Variants in CEP70 observed in about 807,000 individuals in gnomAD.
CEP70 encodes the protein centrosomal protein 70.
In CEP70, 70 loss-of-function variants were observed where a neutral mutation model predicts 90.9. The ratio of observed to expected loss-of-function variants is 0.77; its 90% CI spans 0.64 to 0.94. CEP70 has a LOEUF of 0.94. Among genes scored for constraint, CEP70 ranks in the 40% least tolerant of loss-of-function variants. CEP70 has a pLI of 0.00. For missense variants in CEP70, 648 were observed against 669.0 expected, an observed-to-expected ratio of 0.97 and a Z score of 0.35; for synonymous variants, 220 against 228.3, an observed-to-expected ratio of 0.96 and a Z score of 0.33.
chr3:138,581,401 T>G (rs769533619), intron 2 of CEP70, among the ~76,000 whole-genome samples: 2 of 146,230 alleles, frequency 1.4e-5, no homozygotes, highest in East Asian at 2.1e-4. Context: ...TAGAAAGAGA[T>G]AGGGGTAGAA....
chr3:138,580,139 G>C (rs2041776403), intron 2 of CEP70, among the ~76,000 whole-genome samples: 1 of 151,994 alleles, frequency 6.6e-6, no homozygotes, highest in African/African-American at 2.4e-5. Context: ...AAAGGGGAGG[G>C]AAAAATGGGA....
chr3:138,557,768 C>A (rs2040123287), intron 6 of CEP70, among the ~76,000 whole-genome samples: 1 of 151,980 alleles, frequency 6.6e-6, no homozygotes, highest in Non-Finnish European at 1.5e-5. Flanking sequence ...ATAAATGTAA[C>A]CAAATACCAC....
intron 2 of CEP70, among the ~76,000 whole-genome samples, chr3:138,577,344 A>G (rs1328024617): frequency 6.6e-6 from 1 of 152,116 alleles, no homozygotes; most frequent in African/African-American, 2.4e-5. Flanking sequence ...AGTATAATAA[A>G]TACATAAATA....
chr3:138,580,155 C>A (rs1291513130), intron 2 of CEP70, among the ~76,000 whole-genome samples: 3 of 152,092 alleles, frequency 2.0e-5, no homozygotes, highest in Non-Finnish European at 4.4e-5. Context: ...TGGGAAGAAC[C>A]TTTTCTCATG....
intron 2 of CEP70, among the ~76,000 whole-genome samples, chr3:138,574,104 C>T (rs1287288604): frequency 6.6e-6 from 1 of 152,106 alleles, no homozygotes; most frequent in Non-Finnish European, 1.5e-5. Flanking sequence ...ACAGTGGGTG[C>T]AGCCCACAAA....
intron 2 of CEP70, among the ~76,000 whole-genome samples, chr3:138,586,328 T>G (rs1042128225): frequency 1.3e-5 from 2 of 152,170 alleles, no homozygotes; most frequent in Admixed American, 1.3e-4. Flanking sequence ...GGCCAATTTT[T>G]TATATTTTTG....
chr3:138,594,141 G>A (rs557190013), intron 1 of CEP70, 57 bp downstream of exon 1: 2 of 152,406 alleles, frequency 1.3e-5, no homozygotes, highest in South Asian at 4.1e-4. Flanking sequence ...GTCAAGTCCG[G>A]GGTACTCCGG....
At position 138,511,393 on chromosome 3, in the gene CEP70, G is replaced by C. The variant is rs147360818; in HGVS notation, c.945-2849C>G. 7.5e-4 allele frequency among the ~76,000 whole-genome samples: 114 copies of C among 152,258 alleles called. 1 individual carries two copies. In the East Asian group the frequency reaches 0.02, roughly 27 times the overall value. On this transcript the variant is annotated intron_variant, in intron 11 of 17. Coordinates refer to ENST00000264982, the MANE Select transcript of CEP70 (RefSeq NM_024491.4). Reference sequence around the variant, plus strand: ...GGCAGTGCCATGAGCATATTATCTAGAACAAAAAAGGACACAGAAAAGCTG... The same window carrying C: ...GGCAGTGCCATGAGCATATTATCTACAACAAAAAAGGACACAGAAAAGCTG...
intron 2 of CEP70, among the ~76,000 whole-genome samples, chr3:138,573,300 G>T (rs1229994675): frequency 6.6e-6 from 1 of 151,390 alleles, no homozygotes; most frequent in Non-Finnish European, 1.5e-5. Flanking sequence ...AAGAGCTAAT[G>T]GCTAAGAAAA....
intron 6 of CEP70, among the ~76,000 whole-genome samples, chr3:138,561,028 G>A (rs1212508485): frequency 7.9e-5 from 12 of 152,116 alleles, no homozygotes; most frequent in African/African-American, 2.2e-4. Context: ...ATCTCAGAGC[G>A]TTCGAGCTCT....
At chr3:138,499,021 G>C (rs914624936) in intron 16 of CEP70, among the ~76,000 whole-genome samples, 1 of 151,628 alleles carries the variant, frequency 6.6e-6, no homozygotes, top group African/African-American at 2.4e-5. Context: ...ACTCCAGCCT[G>C]GGCAACAGAG....
chr3:138,563,184 C>T (rs2040534281), intron 6 of CEP70, among the ~76,000 whole-genome samples: 1 of 152,088 alleles, frequency 6.6e-6, no homozygotes, highest in South Asian at 2.1e-4. Flanking sequence ...TACAGGAGCA[C>T]CCAGATTCAT....
chr3:138,512,083 C>T (rs2035587992), intron 11 of CEP70, among the ~76,000 whole-genome samples: 2 of 152,254 alleles, frequency 1.3e-5, no homozygotes, highest in South Asian at 2.1e-4. Flanking sequence ...ATTAAAAATG[C>T]ACAGACAACA....
At chr3:138,542,219 C>T (rs1291600128) in intron 6 of CEP70, among the ~76,000 whole-genome samples, 1 of 152,228 alleles carries the variant, frequency 6.6e-6, no homozygotes, top group African/African-American at 2.4e-5. Flanking sequence ...AGCACAGGCA[C>T]TGGCTCCATG....
chr3:138,505,536 G>C, intron 12 of CEP70, 71 bp from the exon 13 acceptor site: 4 of 965,448 alleles, frequency 4.1e-6, no homozygotes, highest in Non-Finnish European at 5.9e-6. Flanking sequence ...TTTTAAAGGA[G>C]TGCTTTATGT....
chr3:138,541,560 C>A (rs2038769934), intron 6 of CEP70, among the ~76,000 whole-genome samples: 1 of 152,128 alleles, frequency 6.6e-6, no homozygotes, highest in African/African-American at 2.4e-5. Context: ...AAAGGGAGTT[C>A]TTCACTATGA....
At chr3:138,548,434 A>G (rs1265349129) in intron 6 of CEP70, among the ~76,000 whole-genome samples, 1 of 152,188 alleles carries the variant, frequency 6.6e-6, no homozygotes, top group Admixed American at 6.5e-5. Context: ...GCAATATATA[A>G]ACTATCATTT....
intron 16 of CEP70, among the ~76,000 whole-genome samples, chr3:138,498,462 C>T (rs1369265365): frequency 1.3e-5 from 2 of 151,336 alleles, no homozygotes; most frequent in African/African-American, 4.9e-5. Flanking sequence ...CTCAGCCTCT[C>T]GAGTAGCCTC....
At chr3:138,518,131 T>G (rs544276476) in intron 11 of CEP70, among the ~76,000 whole-genome samples, 2 of 152,238 alleles carry the variant, frequency 1.3e-5, no homozygotes, top group African/African-American at 4.8e-5. Context: ...AGCGAGGCTG[T>G]GGGAGGGGCG....
Sources: allele counts gnomAD v4.1 joint callset (sites outside exome capture counted in the v4.1 genomes callset), GRCh38; gene constraint gnomAD v4.1.1; transcripts MANE v1.5; gene names NCBI Gene and HGNC (gene_info 2026-07-23, HGNC 2026-07-21).